The following SLIT1 variants were observed in gnomAD, a reference collection of about 807,000 sequenced individuals.
The protein encoded by SLIT1 is slit guidance ligand 1.
SLIT1 carries 66 observed loss-of-function variants against 186.1 expected under a neutral mutation model. The observed-to-expected ratio is 0.35, with a 90% confidence interval of 0.29 to 0.44. The LOEUF (loss-of-function observed/expected upper bound fraction) is 0.44. Among genes scored for constraint, SLIT1 ranks in the 20% least tolerant of loss-of-function variants. SLIT1 has a pLI of 1.00. For synonymous variants in SLIT1, 761 were observed against 833.8 expected, an observed-to-expected ratio of 0.91 and a Z score of 1.50; for missense variants, 1,638 against 2,037.4, an observed-to-expected ratio of 0.80 and a Z score of 3.77.
At chr10:97,162,376 G>A (rs1276418697) in intron 3 of SLIT1, among the ~76,000 whole-genome samples, 1 of 152,152 alleles carries the variant, frequency 6.6e-6, no homozygotes, top group African/African-American at 2.4e-5. Context: ...TTAGGAGGCC[G>A]AGGCAGGTGT....
At chr10:97,081,631 C>T (rs992677730) in intron 4 of SLIT1, among the ~76,000 whole-genome samples, 22 of 152,268 alleles carry the variant, frequency 1.4e-4, no homozygotes, top group African/African-American at 5.3e-4. Context: ...GCCCCTGAGG[C>T]CCCCTCCACA....
chr10:97,181,476 G>A (rs1201119140), intron 1 of SLIT1, among the ~76,000 whole-genome samples: 1 of 152,206 alleles, frequency 6.6e-6, no homozygotes, highest in African/African-American at 2.4e-5. Flanking sequence ...GTCTAGAGAG[G>A]GCCTCCCAGG....
rs17112471 is a variant in SLIT1 at position 97,163,670 on chromosome 10, C to T, written c.270-219G>A. Among the ~76,000 whole-genome samples, 1,083 of 152,368 alleles carry T rather than the reference C, an allele frequency of 7.1e-3. 5 individuals are homozygous for T. The highest frequency in any genetic ancestry group is 0.023 in the African/African-American group (938 of 41,590). On this transcript the variant is annotated intron_variant, in intron 2 of 36. Transcript: ENST00000266058. The stretch of plus-strand genomic sequence containing the variant: ...ATTTCCCACCATGGGCTCCTCAGGG[C>T]TCCCAGCATCTTACCTCACCACAAA...
At chr10:97,144,627 A>C (rs1433419336) in intron 4 of SLIT1, among the ~76,000 whole-genome samples, 1 of 152,118 alleles carries the variant, frequency 6.6e-6, no homozygotes, top group Non-Finnish European at 1.5e-5. Flanking sequence ...AGGCCCCGCT[A>C]AGTCAGAGAC....
chr10:97,109,887 AC>A (rs1241690853), intron 4 of SLIT1, among the ~76,000 whole-genome samples: 2 of 151,984 alleles, frequency 1.3e-5, no homozygotes, highest in Admixed American at 1.3e-4. Flanking sequence ...TCTCTTGCAA[AC>A]CTCCATTAAA....
intron 13 of SLIT1, among the ~76,000 whole-genome samples, chr10:97,053,585 G>A (rs1436337401): frequency 3.3e-5 from 5 of 152,076 alleles, no homozygotes; most frequent in Non-Finnish European, 7.3e-5. Flanking sequence ...GCATAGACAG[G>A]GGCAGGGATT....
In SLIT1 at chr10:97,121,493, A is replaced by G. The variant is rs111661991; in HGVS notation, c.413+36325T>C. Among the ~76,000 whole-genome samples, 271 of 152,348 alleles carry G rather than the reference A, an allele frequency of 1.8e-3. 1 individual carries two copies. The highest frequency in any genetic ancestry group is 4.8e-3 in the Admixed American group (74 of 15,308). On this transcript the variant is annotated intron_variant, in intron 4 of 36. Coordinates refer to ENST00000266058, the MANE Select transcript of SLIT1 (RefSeq NM_003061.3). ...CATACAGTCTCTTATTTAAGCCTTC[A>G]GTAATTCTGCGAGGTCACCATTATT...
intron 1 of SLIT1, among the ~76,000 whole-genome samples, chr10:97,168,771 T>A (rs1410127436): frequency 2.0e-5 from 3 of 152,200 alleles, no homozygotes; most frequent in Non-Finnish European, 2.9e-5. Context: ...CTGATGAATT[T>A]TACATATCAT....
intron 4 of SLIT1, among the ~76,000 whole-genome samples, chr10:97,142,597 A>G (rs1352982917): frequency 6.6e-6 from 1 of 152,242 alleles, no homozygotes; most frequent in Non-Finnish European, 1.5e-5. Context: ...AAGCATAGAA[A>G]ACAAAAGCAA....
At chr10:97,082,459 G>A (rs1474703322) in intron 4 of SLIT1, among the ~76,000 whole-genome samples, 1 of 151,992 alleles carries the variant, frequency 6.6e-6, no homozygotes, top group Non-Finnish European at 1.5e-5. Context: ...TTTTTGAGAG[G>A]AGTCTCGCTC....
At chr10:97,076,133 A>G (rs142639275) in intron 4 of SLIT1, among the ~76,000 whole-genome samples, 1 of 152,280 alleles carries the variant, frequency 6.6e-6, no homozygotes, top group Non-Finnish European at 1.5e-5. Flanking sequence ...CATTTCTGCC[A>G]ATTTGCATGG....
intron 20 of SLIT1, among the ~76,000 whole-genome samples, chr10:97,041,397 A>G (rs1848689052): frequency 6.6e-6 from 1 of 151,822 alleles, no homozygotes; most frequent in Middle Eastern, 3.2e-3. Flanking sequence ...AAGATCTGGA[A>G]AGCCACATAG....
rs368125888 is a variant in SLIT1 at position 97,004,060 on chromosome 10, G to T, written c.3865+8C>A. 32 of 1,600,952 alleles carry T rather than the reference G, an allele frequency of 2.0e-5. No homozygotes were observed. The South Asian group carries it at 3.4e-4, about 17-fold the overall frequency. On this transcript the variant is annotated splice_region_variant and intron_variant, in intron 34 of 36. Transcript: ENST00000266058. This position sits in a 1 kb window ranked among gnomAD's most constrained non-coding sequence, Gnocchi z 5.1. ...GCAAAAGAGGCCCCGCCAGGGCCAG[G>T]TCCTCACCTCCCACATAGAGTGGCG...
intron 4 of SLIT1, among the ~76,000 whole-genome samples, chr10:97,129,661 C>A (rs2817707): frequency 9.6e-4 from 146 of 152,092 alleles, no homozygotes; most frequent in Non-Finnish European, 1.8e-4. Context: ...TGGGAGGACC[C>A]GTGGCCCATC....
rs1277488644 is a variant in SLIT1, at chr10:97,043,619, T to C, written c.1854-106A>G. Reference sequence around the variant, plus strand: ...GTGGCTCGTTCACAGTTCTCCTCCATAGGCTGCGAGCCGCAGAGCCAGGAA... The same window carrying C: ...GTGGCTCGTTCACAGTTCTCCTCCACAGGCTGCGAGCCGCAGAGCCAGGAA... On this transcript the variant is annotated intron_variant, in intron 18 of 36. Transcript: ENST00000266058. This position sits in a 1 kb window ranked among gnomAD's most constrained non-coding sequence, Gnocchi z 7.0. 12 of 1,110,624 alleles carry C rather than the reference T, an allele frequency of 1.1e-5. No homozygotes were observed. Among genetic ancestry groups the C allele is most frequent in the African/African-American group, 6.1e-5 (4 of 65,090 alleles). 68.8% of individuals were successfully genotyped at this position (1,110,624 alleles called of 1,614,324 possible).
intron 23 of SLIT1, 83 bp downstream of exon 23, chr10:97,034,388 G>A: frequency 5.0e-6 from 5 of 996,408 alleles, no homozygotes; most frequent in Non-Finnish European, 8.1e-6. Flanking sequence ...AGGGATCTGG[G>A]AGCAAAAAGC....
At chr10:97,056,270 C>T (rs1241727706) in intron 13 of SLIT1, 51 bp downstream of exon 13, 11 of 1,604,656 alleles carry the variant, frequency 6.9e-6, no homozygotes, top group Non-Finnish European at 8.5e-6. Flanking sequence ...TGCAACCTCC[C>T]CCAGGCCCAC....
intron 4 of SLIT1, among the ~76,000 whole-genome samples, chr10:97,148,295 T>C (rs576642259): frequency 3.9e-5 from 6 of 152,196 alleles, no homozygotes; most frequent in Non-Finnish European, 7.4e-5. Flanking sequence ...TAAGCTTTTT[T>C]TTTTTTTTCC....
At chr10:97,012,094 ACACACACACACAC>A (rs1347173011) in intron 30 of SLIT1, among the ~76,000 whole-genome samples, 42 of 150,666 alleles carry the variant, frequency 2.8e-4, no homozygotes, top group African/African-American at 1.0e-3. Flanking sequence ...ACACACACAC[ACACACACACACAC>A]ACACACACAC....
Sources: allele counts gnomAD v4.1 joint callset (sites outside exome capture counted in the v4.1 genomes callset), GRCh38; gene constraint gnomAD v4.1.1; non-coding constraint Gnocchi (gnomAD v3.1); transcripts MANE v1.5; gene names NCBI Gene and HGNC (gene_info 2026-07-23, HGNC 2026-07-21).